The following NCOA3 variants were observed in gnomAD, a reference collection of about 807,000 sequenced individuals.
The protein encoded by NCOA3 is nuclear receptor coactivator 3.
In NCOA3, 51 loss-of-function variants were observed where a neutral mutation model predicts 158.8. The observed-to-expected ratio is 0.32, with a 90% CI of 0.26 to 0.41. The LOEUF is 0.41. Ranked by LOEUF, NCOA3 falls within the 10% of genes least tolerant of loss-of-function variation. The pLI, the probability that NCOA3 is intolerant of heterozygous loss-of-function variation, is 1.00. For missense variants in NCOA3, 1,510 were observed against 1,746.6 expected (o/e 0.86, Z 2.41); for synonymous variants, 537 against 592.4 (o/e 0.91, Z 1.36).
At chr20:47,526,342 C>T (rs1229465485) in intron 1 of NCOA3, among the ~76,000 whole-genome samples, 1 of 152,108 alleles carries the variant, frequency 6.6e-6, no homozygotes, top group African/African-American at 2.4e-5. Context: ...AGATGCTCCT[C>T]ACTTCCCAGA....
chr20:47,533,945 A>G (rs1201643856), intron 1 of NCOA3, among the ~76,000 whole-genome samples: 1 of 152,094 alleles, frequency 6.6e-6, no homozygotes, highest in East Asian at 1.9e-4. Context: ...AAACAAACGA[A>G]AAAACAAAAC....
At chr20:47,504,728 C>T (rs1246826427) in intron 1 of NCOA3, among the ~76,000 whole-genome samples, 2 of 150,700 alleles carry the variant, frequency 1.3e-5, no homozygotes, top group Non-Finnish European at 3.0e-5. Flanking sequence ...GGCTTGAACC[C>T]GGGAGGCGGA....
rs145260961 is a variant in NCOA3 at position 47,645,935 on chromosome 20, T to C, written c.3253-1138T>C. On this transcript the variant is annotated intron_variant, in intron 17 of 22. Coordinates refer to ENST00000371998, the MANE Select transcript of NCOA3 (RefSeq NM_181659.3). Reference sequence around the variant, plus strand: ...CCCTGGAGGAAAAATTGACAGGACTTGGTGGTCACACGTGTTTACTCTTGG... The same window carrying C: ...CCCTGGAGGAAAAATTGACAGGACTCGGTGGTCACACGTGTTTACTCTTGG... Among the ~76,000 whole-genome samples the C allele has an allele frequency of 7.9e-5, 12 of 152,218 alleles. No individual in the cohort carries two copies. In the East Asian group the frequency reaches 2.1e-3, roughly 27 times the overall value.
At position 47,575,049 on chromosome 20, in the gene NCOA3, G is replaced by A. The variant is rs534357419; in HGVS notation, c.-98-8134G>A. Among the ~76,000 whole-genome samples, 88 of 152,282 alleles carry A rather than the reference G, an allele frequency of 5.8e-4. 1 individual carries two copies. The highest frequency in any genetic ancestry group is 1.8e-3 in the African/African-American group (76 of 41,554). On this transcript the variant is annotated intron_variant, in intron 1 of 22. Transcript: ENST00000371998. ...ACTTCCCCCAATAGCTGCTGCTGGAGATGGAATCCTATCTGAGGGTTAATA... is the reference window on the plus strand; with the variant it reads ...ACTTCCCCCAATAGCTGCTGCTGGAAATGGAATCCTATCTGAGGGTTAATA...
intron 1 of NCOA3, among the ~76,000 whole-genome samples, chr20:47,516,169 T>G (rs921837537): frequency 2.0e-5 from 3 of 152,260 alleles, no homozygotes; most frequent in African/African-American, 7.2e-5. Flanking sequence ...AGGAGTAAAC[T>G]CTAATGTGAA....
intron 17 of NCOA3, 55 bp downstream of exon 17, chr20:47,642,439 T>G: frequency 1.6e-6 from 2 of 1,245,592 alleles, no homozygotes; most frequent in Non-Finnish European, 2.1e-6. Flanking sequence ...TGTGCGCGCG[T>G]ACACATTCAT....
intron 1 of NCOA3, among the ~76,000 whole-genome samples, chr20:47,512,787 A>G (rs1049653080): frequency 6.6e-6 from 1 of 152,210 alleles, no homozygotes; most frequent in Non-Finnish European, 1.5e-5. Flanking sequence ...CTAGAACTGT[A>G]TCATACGTGG....
intron 2 of NCOA3, among the ~76,000 whole-genome samples, chr20:47,605,397 T>G (rs1021587011): frequency 2.0e-5 from 3 of 151,216 alleles, no homozygotes; most frequent in African/African-American, 7.3e-5. Flanking sequence ...TAGGTTTTGT[T>G]TGTGTGTGTG....
intron 1 of NCOA3, among the ~76,000 whole-genome samples, chr20:47,521,170 C>T (rs190481574): frequency 5.3e-5 from 8 of 152,228 alleles, no homozygotes; most frequent in Admixed American, 2.6e-4. Context: ...GCTTATTCGT[C>T]GCACTGCGTG....
intron 1 of NCOA3, among the ~76,000 whole-genome samples, chr20:47,545,162 G>T: frequency 7.4e-6 from 1 of 134,872 alleles, no homozygotes; most frequent in African/African-American, 2.8e-5. Flanking sequence ...TAATTGTTTA[G>T]ATATCCATAG....
chr20:47,641,591 C>G (rs1466446595), intron 16 of NCOA3, among the ~76,000 whole-genome samples: 4 of 148,324 alleles, frequency 2.7e-5, no homozygotes, highest in African/African-American at 1.0e-4. Flanking sequence ...AGCTCCGCCT[C>G]CTGGGTTCAT....
At chr20:47,541,322 C>T (rs1378058637) in intron 1 of NCOA3, among the ~76,000 whole-genome samples, 1 of 64,860 alleles carries the variant, frequency 1.5e-5, no homozygotes, top group African/African-American at 5.9e-5. Flanking sequence ...TCTCTGTCCC[C>T]CCTCCCCCTC....
chr20:47,567,337 C>T (rs117341240), intron 1 of NCOA3, among the ~76,000 whole-genome samples: 10,324 of 151,668 alleles, frequency 0.068, 452 homozygotes, highest in Non-Finnish European at 0.097. Context: ...TGAGCCACTG[C>T]ACTCGGTTGT....
intron 1 of NCOA3, among the ~76,000 whole-genome samples, chr20:47,502,381 C>T (rs1396047509): frequency 6.6e-6 from 1 of 152,118 alleles, no homozygotes; most frequent in African/African-American, 2.4e-5. Context: ...CCTCCCCCAG[C>T]CCTTTTGAAA....
At chr20:47,512,752 G>A (rs1335355416) in intron 1 of NCOA3, among the ~76,000 whole-genome samples, 4 of 152,238 alleles carry the variant, frequency 2.6e-5, no homozygotes, top group Non-Finnish European at 4.4e-5. Flanking sequence ...TGACCATACC[G>A]TTTGTTGGTA....
At chr20:47,521,096 G>A (rs2084324783) in intron 1 of NCOA3, among the ~76,000 whole-genome samples, 1 of 152,174 alleles carries the variant, frequency 6.6e-6, no homozygotes, top group Non-Finnish European at 1.5e-5. Flanking sequence ...AGTCGTCGCC[G>A]CAGTATGTGA....
chr20:47,593,405 C>T (rs1187681167), intron 2 of NCOA3, among the ~76,000 whole-genome samples: 1 of 121,202 alleles, frequency 8.3e-6, no homozygotes, highest in Non-Finnish European at 1.6e-5. Flanking sequence ...TGCAGTGGTG[C>T]GTCGCGGCTC....
chr20:47,523,358 G>A (rs534878257), intron 1 of NCOA3, among the ~76,000 whole-genome samples: 1 of 152,310 alleles, frequency 6.6e-6, no homozygotes, highest in East Asian at 1.9e-4. Context: ...TCCTTCTGGG[G>A]TTGATCCAAG....
chr20:47,633,605 G>T lies in NCOA3; in HGVS notation c.933G>T (p.Gln311His). Residue 311 changes from glutamine to histidine, a missense_variant, in exon 9 of 23, where the codon CAG becomes CAT. Physicochemically the swap from Gln to His is conservative, Grantham distance 24 (BLOSUM62 0). This residue lies in a region of NCOA3 where 309 missense variants were observed against 427.1 expected (regional missense o/e 0.72). Transcript: ENST00000371998. ...IQRFFSLNDGQSWSQKRHYQE... is the reference protein window; with the variant it reads ...IQRFFSLNDGHSWSQKRHYQE... ...GATTTTTTAGTCTAAATGATGGGCA[G>T]TCATGGTCCCAGAAACGTCACTATC... 1 of 1,613,874 alleles carries T rather than the reference G, an allele frequency of 6.2e-7. No individual in the cohort carries two copies. Among genetic ancestry groups the T allele is most frequent in the South Asian group, 1.1e-5 (1 of 91,010 alleles).
Sources: allele counts gnomAD v4.1 joint callset (sites outside exome capture counted in the v4.1 genomes callset), GRCh38; gene constraint gnomAD v4.1.1; regional missense constraint gnomAD v4.1.1; transcripts MANE v1.5; gene names NCBI Gene and HGNC (gene_info 2026-07-23, HGNC 2026-07-21).